PPARA: variants seen among roughly 807,000 people sequenced by gnomAD.
PPARA encodes peroxisome proliferator-activated receptor alpha.
In PPARA, 22 loss-of-function variants were observed where a neutral mutation model predicts 42.2. The observed-to-expected ratio is 0.52, with a 90% confidence interval of 0.37 to 0.74. The LOEUF is 0.74. PPARA is among the 30% of genes least tolerant of loss of function. The pLI is 0.00. For missense variants in PPARA, 465 were observed against 608.2 expected (o/e 0.76, Z 2.48); for synonymous variants, 242 against 239.3 (o/e 1.01, Z -0.10).
rs141611410 is a variant in PPARA at position 46,187,885 on chromosome 22, C to T, written c.-42-10457C>T. 8.5e-3 allele frequency among the ~76,000 whole-genome samples: 1,290 copies of T among 152,298 alleles called. 15 individuals are homozygous for T. The highest frequency in any genetic ancestry group is 0.029 in the African/African-American group (1,217 of 41,564). ...TTGTGACTTGCTTTGACCCACAGAA[C>T]GTAACAGAAAGGACACTGCCTAACT... On this transcript the variant is annotated intron_variant, in intron 3 of 8. Transcript: ENST00000407236. This position sits in a 1 kb window ranked among gnomAD's most constrained non-coding sequence, Gnocchi z 4.9.
rs1005922311 is a variant in PPARA, at chr22:46,171,251, G to C, written c.-126-5502G>C. ...TCATCTATTTTGGCCAGAGTTCAAG[G>C]CTTGCTAGGGGACATGAAGAGAAGA... On this transcript the variant is annotated intron_variant, in intron 2 of 8. Coordinates refer to ENST00000407236, the MANE Select transcript of PPARA (RefSeq NM_005036.6). This position sits in a 1 kb window ranked among gnomAD's most constrained non-coding sequence, Gnocchi z 5.0. The C allele has an allele frequency of 1.2e-4, 18 of 152,252 alleles. No homozygotes were observed. Among genetic ancestry groups the C allele is most frequent in the Non-Finnish European group, 1.0e-4 (7 of 68,106 alleles). The allele number at this position is 152,252 out of a possible 1,614,324, so 9.4% of individuals were successfully genotyped here.
In PPARA at chr22:46,198,346, T is replaced by C. The variant is rs1932566628; in HGVS notation, c.-38T>C. 1.3e-6 allele frequency: 2 copies of C among 1,590,312 alleles called. No homozygotes were observed. The highest frequency in any genetic ancestry group is 4.5e-5 in the East Asian group (2 of 44,764). The stretch of plus-strand genomic sequence containing the variant: ...ATTGTTCCTCTTTCCTCCCAGTAGC[T>C]TGGAGCTCGGCGGCACAACCAGCAC... On this transcript the variant is annotated 5_prime_UTR_variant, in exon 4 of 9. Transcript: ENST00000407236.
chr22:46,193,545 T>G lies in PPARA; in HGVS notation c.-42-4797T>G, dbSNP rs1352141166. Among the ~76,000 whole-genome samples the G allele has an allele frequency of 6.6e-6, 1 of 152,168 alleles. No individual in the cohort carries two copies. Among genetic ancestry groups the G allele is most frequent in the East Asian group, 1.9e-4 (1 of 5,194 alleles). On this transcript the variant is annotated intron_variant, in intron 3 of 8. Transcript: ENST00000407236. This position sits in a 1 kb window ranked among gnomAD's most constrained non-coding sequence, Gnocchi z 5.3. ...TACATGCCTATGTCAAAGCATCTCA[T>G]GTACCCCATAAATATATACACTGAG...
rs763004155 is a variant in PPARA at position 46,233,286 on chromosome 22, G to A, written c.1159+1047G>A. Among the ~76,000 whole-genome samples the A allele has an allele frequency of 5.3e-5, 8 of 152,178 alleles. No individual in the cohort carries two copies. Among genetic ancestry groups the A allele is most frequent in the Non-Finnish European group, 1.2e-4 (8 of 68,036 alleles). On this transcript the variant is annotated intron_variant, in intron 8 of 8. Coordinates refer to ENST00000407236, the MANE Select transcript of PPARA (RefSeq NM_005036.6). The surrounding 1 kb of genome is among the most constrained non-coding windows in gnomAD (Gnocchi z 7.3). ...GCCCGAGGAAGCAGATCCCAGGGAA[G>A]GCCGATCTGGTCCTCTCTGTGGAAG...
At chr22:46,181,308 G>A (rs1278070496) in intron 3 of PPARA, among the ~76,000 whole-genome samples, 1 of 152,164 alleles carries the variant, frequency 6.6e-6, no homozygotes, top group Non-Finnish European at 1.5e-5. Flanking sequence ...TGTGTGCTCT[G>A]AGGCGAGTGT....
rs1601641468 is a variant in PPARA at position 46,173,339 on chromosome 22, G to T, written c.-126-3414G>T. 6.6e-6 allele frequency among the ~76,000 whole-genome samples: 1 copy of T among 152,210 alleles called. No individual in the cohort carries two copies. Among genetic ancestry groups the T allele is most frequent in the Non-Finnish European group, 1.5e-5 (1 of 68,040 alleles). ...CCTTGGACACATTTCCAGTTGGCAAGCTGGCAAAATGAAGGGCGTACAAGT... is the reference window on the plus strand; with the variant it reads ...CCTTGGACACATTTCCAGTTGGCAATCTGGCAAAATGAAGGGCGTACAAGT... On this transcript the variant is annotated intron_variant, in intron 2 of 8. Transcript: ENST00000407236. The surrounding 1 kb of genome is among the most constrained non-coding windows in gnomAD (Gnocchi z 4.3).
At position 46,219,087 on chromosome 22, in the gene PPARA, G is replaced by T. The variant is rs1035194260; in HGVS notation, c.508+686G>T. On this transcript the variant is annotated intron_variant, in intron 6 of 8. Coordinates refer to ENST00000407236, the MANE Select transcript of PPARA (RefSeq NM_005036.6). This position sits in a 1 kb window ranked among gnomAD's most constrained non-coding sequence, Gnocchi z 4.8. Reference sequence around the variant, plus strand: ...TGAGACAGGAGAATAGCTTGAACCCGGGAGGCGGAGGTTGCAGTGAGCTGA... The same window carrying T: ...TGAGACAGGAGAATAGCTTGAACCCTGGAGGCGGAGGTTGCAGTGAGCTGA... Among the ~76,000 whole-genome samples, 1 of 151,470 alleles carries T rather than the reference G, an allele frequency of 6.6e-6. No individual in the cohort carries two copies. Among genetic ancestry groups the T allele is most frequent in the African/African-American group, 2.4e-5 (1 of 41,170 alleles).
rs117213116 is a variant in PPARA, at chr22:46,182,613, G to C, written c.-43+5777G>C. Among the ~76,000 whole-genome samples the C allele has an allele frequency of 6.6e-6, 1 of 152,152 alleles. No individual in the cohort carries two copies. The highest frequency in any genetic ancestry group is 2.1e-4 in the South Asian group (1 of 4,828). On this transcript the variant is annotated intron_variant, in intron 3 of 8. Coordinates refer to ENST00000407236, the MANE Select transcript of PPARA (RefSeq NM_005036.6). The surrounding 1 kb of genome is among the most constrained non-coding windows in gnomAD (Gnocchi z 5.2). ...AGAGCTTTGAGGATGATGGGTCTGCGTACTGTCTCGGCTATGATAGTGGTT... is the reference window on the plus strand; with the variant it reads ...AGAGCTTTGAGGATGATGGGTCTGCCTACTGTCTCGGCTATGATAGTGGTT...
rs1384704517 is a variant in PPARA, at chr22:46,221,968, T to A, written c.711+1954T>A. Among the ~76,000 whole-genome samples, 2 of 152,042 alleles carry A rather than the reference T, an allele frequency of 1.3e-5. No homozygotes were observed. Among genetic ancestry groups the A allele is most frequent in the Non-Finnish European group, 2.9e-5 (2 of 68,002 alleles). On this transcript the variant is annotated intron_variant, in intron 7 of 8. Coordinates refer to ENST00000407236, the MANE Select transcript of PPARA (RefSeq NM_005036.6). This position sits in a 1 kb window ranked among gnomAD's most constrained non-coding sequence, Gnocchi z 5.9. ...AGCGGTTGCCTGTAATCCCAGCTAC[T>A]TGGGAGGCTGAGGCAGGAGAATTGC...
At chr22:46,152,874 C>G (rs547853605) in intron 2 of PPARA, among the ~76,000 whole-genome samples, 1 of 152,152 alleles carries the variant, frequency 6.6e-6, no homozygotes, top group Non-Finnish European at 1.5e-5. Flanking sequence ...CGCTTGAGGC[C>G]AGGAGTTCGA....
chr22:46,163,152 A>G lies in PPARA; in HGVS notation c.-127+11182A>G, dbSNP rs58618081. On this transcript the variant is annotated intron_variant, in intron 2 of 8. Transcript: ENST00000407236. This position sits in a 1 kb window ranked among gnomAD's most constrained non-coding sequence, Gnocchi z 4.9. ...GCGTGTGTGCAGCACCTGCCAGTGAACGGAATGTGCGGCTCCAGATGTCGT... is the reference window on the plus strand; with the variant it reads ...GCGTGTGTGCAGCACCTGCCAGTGAGCGGAATGTGCGGCTCCAGATGTCGT... Among the ~76,000 whole-genome samples, 1,164 of 152,322 alleles carry G rather than the reference A, an allele frequency of 7.6e-3. 14 individuals are homozygous for G. Among genetic ancestry groups the G allele is most frequent in the African/African-American group, 0.027 (1,117 of 41,572 alleles).
At position 46,241,135 on chromosome 22, in the gene PPARA, G is replaced by C. The variant is rs1192537314; in HGVS notation, c.*5755G>C. ...CTTCCGAGTCCATGGCCTTTGCCCA[G>C]GGCATGTACTCCCCTGAGAGGCCTT... On this transcript the variant is annotated 3_prime_UTR_variant, in exon 9 of 9. Transcript: ENST00000407236. This position sits in a 1 kb window ranked among gnomAD's most constrained non-coding sequence, Gnocchi z 5.7. The C allele has an allele frequency of 6.6e-6, 1 of 152,268 alleles. No individual in the cohort carries two copies. The highest frequency in any genetic ancestry group is 1.5e-5 in the Non-Finnish European group (1 of 68,060). The allele number at this position is 152,268 out of a possible 1,614,324, so 9.4% of individuals were successfully genotyped here.
intron 3 of PPARA, among the ~76,000 whole-genome samples, 192 bp from the exon 4 acceptor site, chr22:46,198,150 A>G (rs1417651291): frequency 1.4e-5 from 2 of 146,608 alleles, no homozygotes; most frequent in African/African-American, 5.1e-5. Flanking sequence ...AGGCAGGAGA[A>G]TGGTGTGAAC....
At position 46,231,759 on chromosome 22, in the gene PPARA, TC is replaced by T. The variant is rs779509094; in HGVS notation, c.712-32del. ...AGCTGGGAGCATAGCGCATCCCACA[TC>T]ACCTGACTTACCTTGGTGTCCTCCT... On this transcript the variant is annotated intron_variant, in intron 7 of 8. Coordinates refer to ENST00000407236, the MANE Select transcript of PPARA (RefSeq NM_005036.6). The surrounding 1 kb of genome is among the most constrained non-coding windows in gnomAD (Gnocchi z 7.7). The T allele has an allele frequency of 1.9e-6, 3 of 1,601,656 alleles. No individual in the cohort carries two copies. Among genetic ancestry groups the T allele is most frequent in the Non-Finnish European group, 2.6e-6 (3 of 1,172,722 alleles).
rs997569356 is a variant in PPARA, at chr22:46,225,377, A to C, written c.711+5363A>C. On this transcript the variant is annotated intron_variant, in intron 7 of 8. Coordinates refer to ENST00000407236, the MANE Select transcript of PPARA (RefSeq NM_005036.6). The surrounding 1 kb of genome is among the most constrained non-coding windows in gnomAD (Gnocchi z 4.1). ...GGGTGCTTTTCAACAGTGTCTAAAA[A>C]CATAAGATGTTGACCTGTCAGGGGT... 3.3e-5 allele frequency among the ~76,000 whole-genome samples: 5 copies of C among 152,118 alleles called. No individual in the cohort carries two copies. Among genetic ancestry groups the C allele is most frequent in the Admixed American group, 6.5e-5 (1 of 15,272 alleles).
At chr22:46,199,107 A>G (rs1932714824) in intron 4 of PPARA, among the ~76,000 whole-genome samples, 1 of 152,170 alleles carries the variant, frequency 6.6e-6, no homozygotes, top group African/African-American at 2.4e-5. Context: ...CCATGCACAC[A>G]TCAAACAGTG....
chr22:46,207,277 A>ATTTT (rs76116601), intron 4 of PPARA, among the ~76,000 whole-genome samples: 4 of 119,580 alleles, frequency 3.3e-5, no homozygotes, highest in East Asian at 2.2e-4. Context: ...TACATTGGCA[A>ATTTT]TTTTTTTTTT....
At chr22:46,194,386 G>A (rs927286208) in intron 3 of PPARA, among the ~76,000 whole-genome samples, 18 of 152,008 alleles carry the variant, frequency 1.2e-4, no homozygotes, top group African/African-American at 3.4e-4. Flanking sequence ...TGAATATAAC[G>A]ACAAGCAAAC....
At position 46,219,792 on chromosome 22, in the gene PPARA, T is replaced by G; in HGVS notation, c.509-20T>G. On this transcript the variant is annotated intron_variant, in intron 6 of 8. Coordinates refer to ENST00000407236, the MANE Select transcript of PPARA (RefSeq NM_005036.6). This position sits in a 1 kb window ranked among gnomAD's most constrained non-coding sequence, Gnocchi z 4.8. ...CATGACCTCACTGCTCATGCCTGTG[T>G]TTCCCCCTCCAAACCCTAGCGATTC... The G allele has an allele frequency of 6.2e-7, 1 of 1,613,750 alleles. No individual in the cohort carries two copies.
Sources: allele counts gnomAD v4.1 joint callset (sites outside exome capture counted in the v4.1 genomes callset), GRCh38; gene constraint gnomAD v4.1.1; non-coding constraint Gnocchi (gnomAD v3.1); transcripts MANE v1.5; gene names NCBI Gene and HGNC (gene_info 2026-07-23, HGNC 2026-07-21).